Variants in CENPW observed in about 807,000 individuals in gnomAD.
CENPW encodes centromere protein W, also known as cancer-up-regulated gene 2 protein.
In CENPW, 3 loss-of-function variants were observed where a neutral mutation model predicts 11.1. That is an observed-to-expected ratio of 0.27 (90% CI 0.12 to 0.70). CENPW has a LOEUF of 0.70. Among genes scored for constraint, CENPW ranks in the 30% least tolerant of loss-of-function variants. The pLI, the probability that CENPW is intolerant of heterozygous loss-of-function variation, is 0.77. For synonymous variants in CENPW, 38 were observed against 42.0 expected (o/e 0.91, Z 0.37); for missense variants, 100 against 105.6 (o/e 0.95, Z 0.23).
At chr6:126,468,999 C>T in the CENPW span, among the ~76,000 whole-genome samples, 1 of 152,082 alleles carries the variant, frequency 6.6e-6, no homozygotes, top group Non-Finnish European at 1.5e-5. Context: ...GACAAGGTTT[C>T]ACCAGGCTGG....
At chr6:126,381,806 C>T in the CENPW span, among the ~76,000 whole-genome samples, 30 of 152,266 alleles carry the variant, frequency 2.0e-4, no homozygotes, top group South Asian at 5.2e-3. Context: ...AGTTCCTAAC[C>T]TCGAGGAGTC....
At chr6:126,396,614 CAGA>C in the CENPW span, among the ~76,000 whole-genome samples, 1 of 152,052 alleles carries the variant, frequency 6.6e-6, no homozygotes, top group Admixed American at 6.5e-5. Flanking sequence ...TTTTCTCAAG[CAGA>C]AGGAGTCTCT....
At chr6:126,471,137 C>T in the CENPW span, among the ~76,000 whole-genome samples, 1 of 152,064 alleles carries the variant, frequency 6.6e-6, no homozygotes, top group Admixed American at 6.6e-5. Context: ...GCTTTGTGTC[C>T]CTACCCAAAT....
the CENPW span, among the ~76,000 whole-genome samples, chr6:126,402,223 C>T: frequency 6.6e-6 from 1 of 151,676 alleles, no homozygotes; most frequent in Non-Finnish European, 1.5e-5. Context: ...CCAGATTACC[C>T]TCCCTTCCCT....
the CENPW span, among the ~76,000 whole-genome samples, chr6:126,441,408 C>T: frequency 2.6e-5 from 4 of 151,286 alleles, no homozygotes; most frequent in Non-Finnish European, 4.4e-5. Context: ...CCATTTCCTG[C>T]CACAATAATC....
chr6:126,346,310 G>T lies in CENPW; in HGVS notation c.232G>T (p.Ala78Ser). 6.3e-7 allele frequency: 1 copy of T among 1,579,778 alleles called. No homozygotes were observed. The highest frequency in any genetic ancestry group is 1.7e-4 in the Middle Eastern group (1 of 5,910). Residue 78 changes from alanine to serine, a missense_variant, in exon 2 of 3, where the codon GCA becomes TCA. Physicochemically the swap from Ala to Ser is moderately conservative, Grantham distance 99 (BLOSUM62 1). Coordinates refer to ENST00000368328, the MANE Select transcript of CENPW (RefSeq NM_001012507.4). Reference protein sequence around the residue: ...RVINKEHVLAAAKVILKKSRG With the variant: ...RVINKEHVLASAKVILKKSRG ...CATTAACAAGGAGCATGTACTGGCC[G>T]CAGCAAAGGTAAAATCCAAATTTCT...
chr6:126,463,971 T>G, the CENPW span, among the ~76,000 whole-genome samples: 1 of 151,992 alleles, frequency 6.6e-6, no homozygotes, highest in Non-Finnish European at 1.5e-5. Flanking sequence ...TACCGTTATA[T>G]CAAAACCAGA....
the CENPW span, among the ~76,000 whole-genome samples, chr6:126,387,251 G>C: frequency 6.6e-6 from 1 of 151,534 alleles, no homozygotes; most frequent in African/African-American, 2.4e-5. Context: ...ATATCTGCAG[G>C]CCAGATCACA....
chr6:126,436,412 T>A, the CENPW span, among the ~76,000 whole-genome samples: 1 of 151,896 alleles, frequency 6.6e-6, no homozygotes, highest in Non-Finnish European at 1.5e-5. Flanking sequence ...ATCACTTCTA[T>A]GGAATCTATA....
chr6:126,458,701 T>C, the CENPW span, among the ~76,000 whole-genome samples: 3 of 151,334 alleles, frequency 2.0e-5, no homozygotes, highest in African/African-American at 7.3e-5. Context: ...ACCTATATCA[T>C]GATAGAAAGG....
chr6:126,351,143 A>T (rs186464842), downstream of CENPW, among the ~76,000 whole-genome samples: 26 of 115,768 alleles, frequency 2.2e-4, no homozygotes, highest in East Asian at 7.7e-4. Context: ...AGAAAGAGAG[A>T]GAGTGAGTGT....
chr6:126,365,442 C>A, the CENPW span, among the ~76,000 whole-genome samples: 1 of 152,066 alleles, frequency 6.6e-6, no homozygotes, highest in African/African-American at 2.4e-5. Context: ...GCAAGCACAT[C>A]TTATATGACC....
downstream of CENPW, among the ~76,000 whole-genome samples, chr6:126,352,172 A>G (rs542098104): frequency 1.2e-4 from 18 of 152,152 alleles, no homozygotes; most frequent in Non-Finnish European, 2.1e-4. Flanking sequence ...ACAGGCACAC[A>G]TGTGCTGCTT....
At chr6:126,363,804 A>AT in the CENPW span, among the ~76,000 whole-genome samples, 11 of 152,136 alleles carry the variant, frequency 7.2e-5, no homozygotes, top group Non-Finnish European at 2.9e-5. Context: ...ATTTGTTAAG[A>AT]TTTTTTGTTT....
the CENPW span, among the ~76,000 whole-genome samples, chr6:126,480,546 G>A: frequency 7.2e-5 from 11 of 151,930 alleles, no homozygotes; most frequent in African/African-American, 2.2e-4. Context: ...GAGCTTTTTA[G>A]AATCGTAATA....
the CENPW span, among the ~76,000 whole-genome samples, chr6:126,373,073 G>A: frequency 6.6e-6 from 1 of 152,050 alleles, no homozygotes; most frequent in Admixed American, 6.5e-5. Context: ...TTCACATATG[G>A]AAAATAATAA....
chr6:126,397,512 C>G, the CENPW span, among the ~76,000 whole-genome samples: 1 of 152,156 alleles, frequency 6.6e-6, no homozygotes, highest in South Asian at 2.1e-4. Context: ...AAAATTATTA[C>G]AAAACCAGAT....
At chr6:126,420,398 G>A in the CENPW span, among the ~76,000 whole-genome samples, 18 of 152,094 alleles carry the variant, frequency 1.2e-4, no homozygotes, top group African/African-American at 4.3e-4. Context: ...TAAAAAAAAT[G>A]GTAGTCGCTG....
the CENPW span, among the ~76,000 whole-genome samples, chr6:126,411,103 A>C: frequency 6.6e-6 from 1 of 152,004 alleles, no homozygotes; most frequent in Non-Finnish European, 1.5e-5. Flanking sequence ...TGGAACTATT[A>C]CCTCTTCCAT....
Sources: gnomAD v4.1 joint callset for allele counts (sites outside exome capture counted in the v4.1 genomes callset) on GRCh38, gnomAD v4.1.1 for gene constraint, MANE v1.5 for transcripts, NCBI Gene and HGNC (gene_info 2026-07-23, HGNC 2026-07-21) for gene names.